The following RIMS2 variants were observed in gnomAD, a reference collection of about 807,000 sequenced individuals.
The protein encoded by RIMS2 is regulating synaptic membrane exocytosis 2.
Under a neutral mutation model 174.4 loss-of-function variants are expected in RIMS2, and 59 were observed. The ratio of observed to expected loss-of-function variants is 0.34; its 90% confidence interval spans 0.27 to 0.42. RIMS2 has a LOEUF of 0.42. Among genes scored for constraint, RIMS2 ranks in the 10% least tolerant of loss-of-function variants. The pLI is 1.00. For missense variants in RIMS2, 1,620 were observed against 1,666.3 expected (o/e 0.97, Z 0.48); for synonymous variants, 606 against 572.5 (o/e 1.06, Z -0.84).
chr8:103,798,094 A>C (rs559595419), intron 3 of RIMS2, among the ~76,000 whole-genome samples: 1 of 152,310 alleles, frequency 6.6e-6, no homozygotes, highest in African/African-American at 2.4e-5. Context: ...TACAATATTG[A>C]TTAAGTATAT....
At chr8:104,110,706 G>C (rs892417195) in intron 19 of RIMS2, among the ~76,000 whole-genome samples, 61 of 152,128 alleles carry the variant, frequency 4.0e-4, no homozygotes, top group African/African-American at 1.3e-3. Context: ...TGCTTTTCAA[G>C]TGTATTTTCA....
chr8:104,245,172 T>G (rs2140066053), intron 20 of RIMS2, 115 bp downstream of exon 26: 1 of 1,021,046 alleles, frequency 9.8e-7, no homozygotes, highest in South Asian at 1.6e-5. Context: ...TAATTTTCAC[T>G]GGCTGATTTC....
chr8:104,007,541 G>C (rs1489231293), intron 17 of RIMS2, among the ~76,000 whole-genome samples: 1 of 152,028 alleles, frequency 6.6e-6, no homozygotes, highest in Non-Finnish European at 1.5e-5. Context: ...CTATGTGTCT[G>C]CTGAAATTTC....
chr8:103,658,871 G>A (rs1335354958), intron 1 of RIMS2, among the ~76,000 whole-genome samples: 1 of 152,124 alleles, frequency 6.6e-6, no homozygotes, highest in African/African-American at 2.4e-5. Flanking sequence ...TGTATCACAT[G>A]ATTTCTTTGC....
rs987491098 is a variant in RIMS2, at chr8:103,740,505, C to A, written c.388-25722C>A. On this transcript the variant is annotated intron_variant, in intron 2 of 23. Transcript: ENST00000504942. ...TGGAAGATGGTTATAGATTGGGGAA[C>A]TTATCTAGTCTGGTGTTAGGTGATG... Among the ~76,000 whole-genome samples, 12 of 152,124 alleles carry A rather than the reference C, an allele frequency of 7.9e-5. No homozygotes were observed. In the South Asian group the frequency reaches 1.2e-3, roughly 16 times the overall value.
rs16870847 is a variant in RIMS2 at position 103,934,628 on chromosome 8, T to C, written c.2376-1923T>C. 9.8e-3 allele frequency among the ~76,000 whole-genome samples: 1,494 copies of C among 152,264 alleles called. 19 individuals carry two copies. Among genetic ancestry groups the C allele is most frequent in the South Asian group, 0.046 (221 of 4,826 alleles). On this transcript the variant is annotated intron_variant, in intron 12 of 23. Coordinates refer to ENST00000504942, the Ensembl canonical transcript of RIMS2. ...AAATTTTCATTCTTTATCTGAGAAC[T>C]TTTTTCTGTCCTTACGAGGAAGTTC...
intron 3 of RIMS2, among the ~76,000 whole-genome samples, chr8:103,770,957 T>C (rs896633959): frequency 6.6e-6 from 1 of 152,238 alleles, no homozygotes; most frequent in African/African-American, 2.4e-5. Flanking sequence ...TTCAACTTAA[T>C]TTAAATCTCT....
At chr8:104,194,587 AATCATTTCTTGACC>A (rs1182038805) in intron 19 of RIMS2, among the ~76,000 whole-genome samples, 1 of 152,206 alleles carries the variant, frequency 6.6e-6, no homozygotes, top group Non-Finnish European at 1.5e-5. Context: ...CATTAGCAAA[AATCATTTCTTGACC>A]ATCTAGTACA....
chr8:103,672,329 T>C (rs1253308158), intron 1 of RIMS2, among the ~76,000 whole-genome samples: 1 of 152,170 alleles, frequency 6.6e-6, no homozygotes, highest in Non-Finnish European at 1.5e-5. Flanking sequence ...ATTAATACAT[T>C]ATGAATTATA....
chr8:103,544,494 C>T (rs775763307), intron 1 of RIMS2, among the ~76,000 whole-genome samples: 1 of 152,194 alleles, frequency 6.6e-6, no homozygotes, highest in Non-Finnish European at 1.5e-5. Context: ...AGGGGAGCAA[C>T]CTCCTATTGC....
At chr8:103,721,230 A>G (rs1485234755) in intron 2 of RIMS2, among the ~76,000 whole-genome samples, 3 of 152,188 alleles carry the variant, frequency 2.0e-5, no homozygotes, top group Non-Finnish European at 4.4e-5. Flanking sequence ...GAGGCCTCCC[A>G]GAAGCCGAGC....
chr8:104,158,079 G>A (rs1053766053), intron 19 of RIMS2, among the ~76,000 whole-genome samples: 3 of 152,052 alleles, frequency 2.0e-5, no homozygotes, highest in Admixed American at 2.0e-4. Context: ...CCCAGTGTAT[G>A]ATGTTCCCCT....
intron 2 of RIMS2, among the ~76,000 whole-genome samples, chr8:103,712,436 G>C (rs1002639614): frequency 2.6e-5 from 4 of 151,988 alleles, no homozygotes; most frequent in African/African-American, 7.2e-5. Flanking sequence ...CTTGGTTGTT[G>C]GTACATCTAC....
chr8:103,516,224 G>C (rs7002538), intron 1 of RIMS2, among the ~76,000 whole-genome samples: 26,730 of 152,044 alleles, frequency 0.18, 2,553 homozygotes, highest in African/African-American at 0.23. Context: ...ATAGCTTTAT[G>C]TGCTAACTTC....
intron 19 of RIMS2, among the ~76,000 whole-genome samples, chr8:104,225,984 T>C (rs1310164470): frequency 6.6e-6 from 1 of 152,222 alleles, no homozygotes; most frequent in Non-Finnish European, 1.5e-5. Context: ...CTCTGCAGGA[T>C]TGTAAAAGTT....
chr8:103,778,042 C>T (rs148604469), intron 3 of RIMS2, among the ~76,000 whole-genome samples: 1 of 151,922 alleles, frequency 6.6e-6, no homozygotes, highest in East Asian at 1.9e-4. Context: ...ATGACTTTGA[C>T]ATTTTTAAAA....
chr8:103,609,692 C>G (rs920155722), intron 1 of RIMS2, among the ~76,000 whole-genome samples: 1 of 151,822 alleles, frequency 6.6e-6, no homozygotes, highest in African/African-American at 2.4e-5. Context: ...GTTCCATTGG[C>G]CTATGTGTCT....
intron 2 of RIMS2, among the ~76,000 whole-genome samples, chr8:103,702,228 T>C (rs2097175422): frequency 6.6e-6 from 1 of 152,196 alleles, no homozygotes; most frequent in African/African-American, 2.4e-5. Flanking sequence ...TATTTGTTTG[T>C]ATTCTTTTGA....
At chr8:104,060,518 C>A (rs1272342548) in intron 19 of RIMS2, among the ~76,000 whole-genome samples, 1 of 151,722 alleles carries the variant, frequency 6.6e-6, no homozygotes, top group Non-Finnish European at 1.5e-5. Context: ...TTCAAAAAAC[C>A]AGCTCCTGGA....
Sources: gnomAD v4.1 joint callset for allele counts (sites outside exome capture counted in the v4.1 genomes callset) on GRCh38, gnomAD v4.1.1 for gene constraint, MANE v1.5 for transcripts, NCBI Gene and HGNC (gene_info 2026-07-23, HGNC 2026-07-21) for gene names.